Variants in COXFA4L2 observed in about 807,000 individuals in gnomAD.
COXFA4L2 encodes the protein cytochrome c oxidase hypoxia associated subunit FA4L2.
the COXFA4L2 span, among the ~76,000 whole-genome samples, chr12:57,238,346 A>C: frequency 2.0e-5 from 3 of 151,972 alleles, no homozygotes; most frequent in Non-Finnish European, 2.9e-5. This position sits in a 1 kb window ranked among gnomAD's most constrained non-coding sequence, Gnocchi z 6.8. Flanking sequence ...CCGGCGGATA[A>C]TGAGATAAAG....
chr12:57,240,285 C>G, the COXFA4L2 span: 1 of 152,164 alleles, frequency 6.6e-6, no homozygotes, highest in South Asian at 2.1e-4. Flanking sequence ...CCGGGGACCC[C>G]GGCGTCCCGG....
At chr12:57,238,903 C>T in the COXFA4L2 span, among the ~76,000 whole-genome samples, 1 of 152,222 alleles carries the variant, frequency 6.6e-6, no homozygotes, top group East Asian at 1.9e-4. The surrounding 1 kb of genome is among the most constrained non-coding windows in gnomAD (Gnocchi z 6.8). Flanking sequence ...ATTTCTAAGC[C>T]CCCTTCCATC....
the COXFA4L2 span, chr12:57,237,051 C>G: frequency 6.2e-7 from 1 of 1,614,158 alleles, no homozygotes; most frequent in Non-Finnish European, 8.5e-7. Flanking sequence ...TTTGATCTGC[C>G]GGTAGAAGCG....
At chr12:57,234,923 T>C in the COXFA4L2 span, 1 of 155,666 alleles carries the variant, frequency 6.4e-6, no homozygotes, top group Non-Finnish European at 1.4e-5. Context: ...TAAATGAAAT[T>C]GTATTTTGCC....
chr12:57,237,408 A>G, the COXFA4L2 span: 2 of 1,254,908 alleles, frequency 1.6e-6, no homozygotes, highest in African/African-American at 1.5e-5. Context: ...ATAGGACCCC[A>G]TAAGATGTGG....
the COXFA4L2 span, chr12:57,239,628 C>CTTCTTTCTGCCTCTTG: frequency 6.5e-6 from 1 of 153,222 alleles, no homozygotes; most frequent in Non-Finnish European, 1.5e-5. This position sits in a 1 kb window ranked among gnomAD's most constrained non-coding sequence, Gnocchi z 5.5. Context: ...TCTGGCTGCC[C>CTTCTTTCTGCCTCTTG]TTCTTTCTGC....
At chr12:57,237,088 CGTT>C in the COXFA4L2 span, 2 of 1,614,214 alleles carry the variant, frequency 1.2e-6, no homozygotes, top group East Asian at 4.5e-5. Flanking sequence ...CCTGCCATAT[CGTT>C]GTTTTCCCAG....
At chr12:57,237,690 G>A in the COXFA4L2 span, 1 of 156,034 alleles carries the variant, frequency 6.4e-6, no homozygotes, top group Admixed American at 6.5e-5. Flanking sequence ...AATTGCGGTT[G>A]GAGGCTGGAA....
the COXFA4L2 span, chr12:57,237,198 C>A: frequency 6.3e-7 from 1 of 1,588,992 alleles, no homozygotes. Flanking sequence ...TTAGCTTGGC[C>A]CAGCCCGTGC....
chr12:57,240,488 A>C, the COXFA4L2 span: 1 of 163,518 alleles, frequency 6.1e-6, no homozygotes, highest in Non-Finnish European at 1.3e-5. Context: ...GCGGATGGCG[A>C]AGCCGAGCTG....
chr12:57,236,954 A>C, the COXFA4L2 span: 1 of 1,588,186 alleles, frequency 6.3e-7, no homozygotes, highest in Non-Finnish European at 8.6e-7. Flanking sequence ...GGCACAAGGC[A>C]AGGCATTGGG....
chr12:57,237,025 T>A, the COXFA4L2 span: 1 of 1,614,186 alleles, frequency 6.2e-7, no homozygotes, highest in African/African-American at 1.3e-5. Context: ...TTCTGAGGAC[T>A]CACCCCCGGA....
chr12:57,237,039 CTT>C, the COXFA4L2 span: 1 of 1,614,180 alleles, frequency 6.2e-7, no homozygotes, highest in South Asian at 1.1e-5. Context: ...CCCCGGATGT[CTT>C]TTGATCTGCC....
the COXFA4L2 span, chr12:57,235,770 C>T: frequency 3.8e-6 from 6 of 1,580,346 alleles, no homozygotes; most frequent in African/African-American, 5.4e-5. Flanking sequence ...CATTGGGGCT[C>T]AGGCGGTTCC....
chr12:57,235,788 C>G, the COXFA4L2 span: 1 of 1,558,316 alleles, frequency 6.4e-7, no homozygotes, highest in Non-Finnish European at 8.7e-7. Context: ...TCCAGGGCTC[C>G]GGGTTGTTCT....
chr12:57,236,672 T>C, the COXFA4L2 span: 4 of 1,566,848 alleles, frequency 2.6e-6, no homozygotes, highest in Non-Finnish European at 3.5e-6. Context: ...AAGCCGATCA[T>C]CGGGATGATC....
chr12:57,239,203 A>G, the COXFA4L2 span, among the ~76,000 whole-genome samples: 3 of 152,228 alleles, frequency 2.0e-5, no homozygotes, highest in East Asian at 1.9e-4. The surrounding 1 kb of genome is among the most constrained non-coding windows in gnomAD (Gnocchi z 5.5). Flanking sequence ...AGCGTGTTGC[A>G]GGGGCCGTGG....
the COXFA4L2 span, among the ~76,000 whole-genome samples, chr12:57,239,177 G>A: frequency 3.3e-5 from 5 of 152,240 alleles, no homozygotes; most frequent in South Asian, 2.1e-4. The surrounding 1 kb of genome is among the most constrained non-coding windows in gnomAD (Gnocchi z 5.5). Context: ...CAAAGGCAGC[G>A]GGACTCAGCG....
At chr12:57,236,498 A>G in the COXFA4L2 span, 1 of 1,064,592 alleles carries the variant, frequency 9.4e-7, no homozygotes, top group South Asian at 1.6e-5. Context: ...TCGAAGGTGC[A>G]TGCAGCAGGG....
Sources: allele counts gnomAD v4.1 joint callset (sites outside exome capture counted in the v4.1 genomes callset), GRCh38; gene constraint gnomAD v4.1.1; non-coding constraint Gnocchi (gnomAD v3.1); transcripts MANE v1.5; gene names NCBI Gene and HGNC (gene_info 2026-07-23, HGNC 2026-07-21).